Variants in ALS2 observed in about 807,000 individuals in gnomAD.
ALS2 encodes alsin.
A neutral mutation model predicts 203.4 loss-of-function variants in ALS2; 117 were observed. The observed-to-expected ratio is 0.58, with a 90% confidence interval of 0.50 to 0.67. The LOEUF is 0.67. Among genes scored for constraint, ALS2 ranks in the 30% least tolerant of loss-of-function variants. ALS2 has a pLI of 0.00. For missense variants in ALS2, 1,715 were observed against 1,989.4 expected, an observed-to-expected ratio of 0.86 and a Z score of 2.62; for synonymous variants, 718 against 725.9, an observed-to-expected ratio of 0.99 and a Z score of 0.17.
At chr2:201,776,980 A>G (rs1694688461) in intron 1 of ALS2, among the ~76,000 whole-genome samples, 1 of 152,206 alleles carries the variant, frequency 6.6e-6, no homozygotes, top group Non-Finnish European at 1.5e-5. Context: ...CTATAGAGAC[A>G]ACTATTTTCT....
chr2:201,719,386 C>T (rs770391412), intron 23 of ALS2, among the ~76,000 whole-genome samples: 14 of 152,092 alleles, frequency 9.2e-5, no homozygotes, highest in African/African-American at 1.4e-4. Flanking sequence ...GTCAGGAGTT[C>T]GAGACCAGCC....
chr2:201,736,218 G>C (rs1244089897), intron 12 of ALS2, among the ~76,000 whole-genome samples: 3 of 152,086 alleles, frequency 2.0e-5, no homozygotes, highest in Non-Finnish European at 4.4e-5. Context: ...CAGGCTGAAA[G>C]TAAAAGAATG....
chr2:201,729,251 C>T (rs1691391119), intron 13 of ALS2, 68 bp from the exon 14 acceptor site: 1 of 1,537,038 alleles, frequency 6.5e-7, no homozygotes, highest in Non-Finnish European at 8.9e-7. Flanking sequence ...AATCTGTAGC[C>T]TCAGTCTGCC....
chr2:201,725,372 C>A lies in ALS2; in HGVS notation c.3331G>T (p.Gly1111Cys). The change falls in exon 20 of 34, where the codon GGT becomes TGT. Residue 1111 changes from glycine (G) to cysteine (C), a missense_variant. Around this residue, in one of 3 missense-constraint regions of ALS2, gnomAD observed 1,227 missense variants for 1,413.5 expected, o/e 0.87. Transcript: ENST00000264276. ...CAATGTTACCTGTAGACTCCTTGAC[C>A]GCACATTTTTCCTTCTTTCCAATGG... ...VGHWKEGKMC[G>C]QGVYSYASGE... 6.2e-7 allele frequency: 1 copy of A among 1,613,740 alleles called. No individual in the cohort carries two copies. Among genetic ancestry groups the A allele is most frequent in the Admixed American group, 1.7e-5 (1 of 60,026 alleles).
At chr2:201,746,468 T>C in intron 9 of ALS2, 98 bp downstream of exon 9, 2 of 1,385,594 alleles carry the variant, frequency 1.4e-6, no homozygotes, top group Middle Eastern at 5.0e-4. Context: ...TAGTTAGAGA[T>C]GCTTACTAAT....
chr2:201,749,196 C>T (rs534011799), intron 8 of ALS2, among the ~76,000 whole-genome samples: 5 of 146,278 alleles, frequency 3.4e-5, no homozygotes, highest in Non-Finnish European at 7.5e-5. Flanking sequence ...ATTACATAAA[C>T]TAAAACCAAT....
intron 24 of ALS2, among the ~76,000 whole-genome samples, chr2:201,716,480 G>GT (rs1320397733): frequency 4.8e-5 from 7 of 145,310 alleles, no homozygotes; most frequent in South Asian, 2.2e-4. Context: ...GAAGGCAGAG[G>GT]TTGCAGTGAG....
intron 10 of ALS2, among the ~76,000 whole-genome samples, chr2:201,743,558 C>T (rs1179177492): frequency 6.6e-6 from 1 of 152,136 alleles, no homozygotes; most frequent in Admixed American, 6.5e-5. Flanking sequence ...AATCTCAGCT[C>T]ACTGCAACCT....
chr2:201,723,571 A>G, intron 21 of ALS2, 130 bp from the exon 22 acceptor site: 1 of 774,550 alleles, frequency 1.3e-6, no homozygotes, highest in Non-Finnish European at 2.3e-6. Flanking sequence ...TAGTTAAAAT[A>G]GTTAACTTTG....
chr2:201,705,049 G>A (rs957274906), intron 31 of ALS2, 90 bp downstream of exon 31: 2 of 1,298,788 alleles, frequency 1.5e-6, no homozygotes, highest in Non-Finnish European at 2.2e-6. Context: ...GATGCTTAAG[G>A]CTTAGGTAAA....
At chr2:201,726,430 T>G (rs1691167685) in intron 19 of ALS2, 54 bp downstream of exon 19, 3 of 1,460,984 alleles carry the variant, frequency 2.1e-6, no homozygotes, top group Middle Eastern at 1.7e-4. Flanking sequence ...AATAACATAA[T>G]TTACGACCTT....
At chr2:201,741,995 G>A in intron 10 of ALS2, 141 bp from the exon 11 acceptor site, 1 of 749,712 alleles carries the variant, frequency 1.3e-6, no homozygotes, top group Non-Finnish European at 2.2e-6. Flanking sequence ...AATGATTACA[G>A]TATTAAAGCA....
Position 201,743,010 on chromosome 2 carries a change from G to T in ALS2, c.2171-1156C>A, listed in dbSNP as rs560577701. 5.3e-5 allele frequency among the ~76,000 whole-genome samples: 8 copies of T among 150,404 alleles called. No individual in the cohort carries two copies. The East Asian group carries it at 1.6e-3, about 30-fold the overall frequency. ...TGCTTGAACCCAGGAGGTGAAGGTTGCAGTGAGCCGAGATTGTGCCACTAC... is the reference window on the plus strand; with the variant it reads ...TGCTTGAACCCAGGAGGTGAAGGTTTCAGTGAGCCGAGATTGTGCCACTAC... On this transcript the variant is annotated intron_variant, in intron 10 of 33. Coordinates refer to ENST00000264276, the MANE Select transcript of ALS2 (RefSeq NM_020919.4).
intron 4 of ALS2, among the ~76,000 whole-genome samples, chr2:201,758,569 C>G (rs938029575): frequency 6.6e-6 from 1 of 152,154 alleles, no homozygotes; most frequent in Non-Finnish European, 1.5e-5. Context: ...TCTAAGCTGT[C>G]AAACATCATT....
intron 28 of ALS2, 38 bp downstream of exon 28, chr2:201,707,831 A>T: frequency 6.2e-7 from 1 of 1,608,596 alleles, no homozygotes; most frequent in East Asian, 2.2e-5. Context: ...TCTAGTCACC[A>T]TTCCCTTTCT....
chr2:201,735,602 G>T (rs138027047), intron 12 of ALS2, among the ~76,000 whole-genome samples: 1 of 152,350 alleles, frequency 6.6e-6, no homozygotes, highest in African/African-American at 2.4e-5. Flanking sequence ...TTTGTAAACA[G>T]AAGTTGGAAA....
chr2:201,761,826 T>C lies in ALS2; in HGVS notation c.176-8A>G. ...AGCTGTAGACCTCACCATCTGAAGG[T>C]TAAAAAAAAGAAAAAAGAAAAAAAA... is the stretch of plus-strand genomic sequence containing the variant. On this transcript the variant is annotated splice_region_variant and splice_polypyrimidine_tract_variant and intron_variant, in intron 3 of 33. Transcript: ENST00000264276. 1 of 1,611,700 alleles carries C rather than the reference T, an allele frequency of 6.2e-7. No individual in the cohort carries two copies. Among genetic ancestry groups the C allele is most frequent in the Non-Finnish European group, 8.5e-7 (1 of 1,179,564 alleles).
At chr2:201,715,923 T>C (rs1690361756) in intron 24 of ALS2, 84 bp from the exon 25 acceptor site, 1 of 1,506,544 alleles carries the variant, frequency 6.6e-7, no homozygotes, top group Non-Finnish European at 9.2e-7. Flanking sequence ...AACATACAAC[T>C]GAGAATGCTT....
Position 201,761,715 on chromosome 2 carries a change from A to T in ALS2, c.279T>A (p.Val93=). The T allele has an allele frequency of 6.2e-7, 1 of 1,614,184 alleles. No individual in the cohort carries two copies. The highest frequency in any genetic ancestry group is 8.5e-7 in the Non-Finnish European group (1 of 1,180,038). Residue 93 remains valine, a synonymous_variant, in exon 4 of 34, where the codon GTT becomes GTA. Transcript: ENST00000264276. ...GGAAGCTTCCTGTTGCCACAGTAATAACATATTGCCCAACCAGGGCATTTT... is the reference window on the plus strand; with the variant it reads ...GGAAGCTTCCTGTTGCCACAGTAATTACATATTGCCCAACCAGGGCATTTT... ...ILENALVGQY[V]ITVATGSFHS...
Sources: allele counts gnomAD v4.1 joint callset (sites outside exome capture counted in the v4.1 genomes callset), GRCh38; gene constraint gnomAD v4.1.1; regional missense constraint gnomAD v4.1.1; transcripts MANE v1.5; gene names NCBI Gene and HGNC (gene_info 2026-07-23, HGNC 2026-07-21).